JAKMIP2: variants seen among roughly 807,000 people sequenced by gnomAD.
JAKMIP2 encodes janus kinase and microtubule interacting protein 2.
Under a neutral mutation model 115.0 loss-of-function variants are expected in JAKMIP2, and 25 were observed. The ratio of observed to expected loss-of-function variants is 0.22; its 90% CI spans 0.16 to 0.30. The LOEUF is 0.30. Among genes scored for constraint, JAKMIP2 ranks in the 10% least tolerant of loss-of-function variants. JAKMIP2 has a pLI of 1.00. For synonymous variants in JAKMIP2, 334 were observed against 343.6 expected, an observed-to-expected ratio of 0.97 and a Z score of 0.31; for missense variants, 642 against 957.6, an observed-to-expected ratio of 0.67 and a Z score of 4.35.
chr5:147,643,688 T>C (rs1384285738), intron 7 of JAKMIP2, among the ~76,000 whole-genome samples: 1 of 152,208 alleles, frequency 6.6e-6, no homozygotes, highest in African/African-American at 2.4e-5. Context: ...ACAAGGTATA[T>C]ATGTGATGTT....
At chr5:147,600,837 TTAATAA>T (rs148398133) in intron 21 of JAKMIP2, among the ~76,000 whole-genome samples, 2,127 of 152,250 alleles carry the variant, frequency 0.014, 48 homozygotes, top group African/African-American at 0.046. Context: ...AGACATGGAC[TTAATAA>T]TAGTAATTAT....
intron 20 of JAKMIP2, 147 bp from the exon 21 acceptor site, chr5:147,601,958 C>T (rs1423533057): frequency 8.4e-6 from 4 of 474,818 alleles, no homozygotes; most frequent in Non-Finnish European, 1.5e-5. Context: ...AAAATCCACA[C>T]CTTTTATGTA....
chr5:147,614,578 T>G (rs1322169771), intron 19 of JAKMIP2, among the ~76,000 whole-genome samples: 1 of 152,338 alleles, frequency 6.6e-6, no homozygotes, highest in Non-Finnish European at 1.5e-5. Flanking sequence ...TCTTCCTGCC[T>G]TTTATTTTGA....
At chr5:147,662,826 A>T (rs1409398848) in intron 2 of JAKMIP2, among the ~76,000 whole-genome samples, 3 of 152,088 alleles carry the variant, frequency 2.0e-5, no homozygotes, top group Non-Finnish European at 4.4e-5. Flanking sequence ...CTCTATTAAA[A>T]ATACAAAAAT....
chr5:147,629,339 C>T (rs1396535055), intron 15 of JAKMIP2, among the ~76,000 whole-genome samples: 1 of 152,136 alleles, frequency 6.6e-6, no homozygotes, highest in Non-Finnish European at 1.5e-5. Flanking sequence ...CTGCCAACAA[C>T]CCTAGTATTT....
intron 5 of JAKMIP2, 104 bp from the exon 6 acceptor site, chr5:147,645,100 T>A (rs1437444166): frequency 3.0e-6 from 3 of 992,778 alleles, no homozygotes; most frequent in African/African-American, 3.3e-5. Context: ...GCCTTGTCTC[T>A]GCTTCACTAT....
At chr5:147,702,392 A>G (rs1379896495) in intron 1 of JAKMIP2, among the ~76,000 whole-genome samples, 1 of 148,218 alleles carries the variant, frequency 6.7e-6, no homozygotes, top group Non-Finnish European at 1.5e-5. Context: ...TCAGAAATCA[A>G]CACTAAAGAA....
chr5:147,628,035 G>T (rs536464199), intron 16 of JAKMIP2, among the ~76,000 whole-genome samples: 1 of 150,770 alleles, frequency 6.6e-6, no homozygotes, highest in Admixed American at 6.6e-5. Context: ...AAAGGAGATG[G>T]AGTCTCACTA....
intron 1 of JAKMIP2, among the ~76,000 whole-genome samples, chr5:147,712,538 A>T (rs188102416): frequency 2.0e-5 from 3 of 152,298 alleles, no homozygotes; most frequent in Admixed American, 1.3e-4. Context: ...AGGCCAGGGA[A>T]CAAATTTTAG....
At chr5:147,708,718 GTTGC>G (rs1172118276) in intron 1 of JAKMIP2, among the ~76,000 whole-genome samples, 1 of 152,140 alleles carries the variant, frequency 6.6e-6, no homozygotes, top group African/African-American at 2.4e-5. Context: ...GTAAATCAAT[GTTGC>G]AAAATGCAAT....
At chr5:147,654,261 G>T (rs985246021) in intron 3 of JAKMIP2, among the ~76,000 whole-genome samples, 2 of 151,916 alleles carry the variant, frequency 1.3e-5, no homozygotes, top group African/African-American at 4.8e-5. Flanking sequence ...AATGTCAATG[G>T]TAGTTTGATG....
chr5:147,600,825 T>C (rs1406995391), intron 21 of JAKMIP2, among the ~76,000 whole-genome samples: 1 of 152,064 alleles, frequency 6.6e-6, no homozygotes, highest in Admixed American at 6.6e-5. Context: ...CATGTATTCA[T>C]GAGACATGGA....
intron 1 of JAKMIP2, among the ~76,000 whole-genome samples, chr5:147,737,093 G>A (rs1401542352): frequency 6.6e-6 from 1 of 152,152 alleles, no homozygotes; most frequent in African/African-American, 2.4e-5. Context: ...TTTGAATGCT[G>A]TAATATTTTA....
At chr5:147,706,615 T>C (rs1752569942) in intron 1 of JAKMIP2, among the ~76,000 whole-genome samples, 2 of 152,210 alleles carry the variant, frequency 1.3e-5, no homozygotes, top group South Asian at 4.1e-4. Context: ...AATCTTTGTA[T>C]ATTCTACCAT....
In JAKMIP2 at chr5:147,671,857, G is replaced by C; in HGVS notation, c.-51C>G. The C allele has an allele frequency of 6.8e-7, 1 of 1,480,374 alleles. No individual in the cohort carries two copies. The allele number at this position is 1,480,374 out of a possible 1,614,324, so 91.7% of individuals were successfully genotyped here. A position where few individuals can be genotyped will look rare whatever the true frequency, so the allele number is the denominator to read the frequency against. On this transcript the variant is annotated 5_prime_UTR_variant, in exon 2 of 22. Transcript: ENST00000616793. ...GGTTTTTAATTTCTTTCAAGCAGGT[G>C]CTGCCATGTTACTGTTTCTTATCCT...
intron 12 of JAKMIP2, among the ~76,000 whole-genome samples, chr5:147,635,660 C>T (rs1279300107): frequency 2.0e-5 from 3 of 152,178 alleles, no homozygotes; most frequent in African/African-American, 7.2e-5. Flanking sequence ...CTCTTGGGTT[C>T]AGATGATTCT....
Position 147,601,780 on chromosome 5 carries a change from G to T in JAKMIP2, c.2444C>A (p.Ala815Asp). 1.3e-6 allele frequency: 2 copies of T among 1,502,962 alleles called. No individual in the cohort carries two copies. Among genetic ancestry groups the T allele is most frequent in the Non-Finnish European group, 1.8e-6 (2 of 1,110,566 alleles). The allele number at this position is 1,502,962 out of a possible 1,614,324, so 93.1% of individuals were successfully genotyped here. Residue 815 changes from alanine (A) to aspartate (D), a missense_variant, in exon 21 of 22, where the codon GCC becomes GAC. Physicochemically the swap from Ala to Asp is moderately radical, Grantham distance 126 (BLOSUM62 -2). This residue lies in a region of JAKMIP2 where 26 missense variants were observed against 50.5 expected (regional missense o/e 0.51). Transcript: ENST00000616793. ...FLFLFLFFSL[A>D]FILWP Reference sequence around the variant, plus strand: ...TTGACATCAAGGCCATAGAATAAAGGCAAGAGAGAAGAACAAGAATAGAAA... The same window carrying T: ...TTGACATCAAGGCCATAGAATAAAGTCAAGAGAGAAGAACAAGAATAGAAA...
At chr5:147,739,019 G>A (rs1754035062) in intron 1 of JAKMIP2, among the ~76,000 whole-genome samples, 1 of 152,154 alleles carries the variant, frequency 6.6e-6, no homozygotes, top group Non-Finnish European at 1.5e-5. Flanking sequence ...GGAGGGATTT[G>A]TTTAAGTGAT....
intron 1 of JAKMIP2, among the ~76,000 whole-genome samples, chr5:147,767,556 G>T (rs1431562251): frequency 3.9e-5 from 6 of 152,038 alleles, no homozygotes; most frequent in Non-Finnish European, 7.4e-5. Flanking sequence ...AGGCAAATCA[G>T]AATCAATACT....
Sources: gnomAD v4.1 joint callset for allele counts (sites outside exome capture counted in the v4.1 genomes callset) on GRCh38, gnomAD v4.1.1 for gene constraint, gnomAD v4.1.1 regional missense constraint, MANE v1.5 for transcripts, NCBI Gene and HGNC (gene_info 2026-07-23, HGNC 2026-07-21) for gene names.